LTBP4: variants seen among roughly 807,000 people sequenced by gnomAD.
LTBP4 encodes the protein latent-transforming growth factor beta-binding protein 4.
A neutral mutation model predicts 180.2 loss-of-function variants in LTBP4; 93 were observed. The observed-to-expected ratio is 0.52, with a 90% CI of 0.44 to 0.61. The LOEUF (loss-of-function observed/expected upper bound fraction) is 0.61, where lower values mean the gene tolerates loss of function less well. LTBP4 is among the 20% of genes least tolerant of loss of function. The probability of loss-of-function intolerance (pLI) is 0.00; values close to 1 mark genes in which losing one functional copy is unlikely to be tolerated. For synonymous variants in LTBP4, 947 were observed against 934.5 expected (o/e 1.01, Z -0.24); for missense variants, 2,116 against 2,256.5 (o/e 0.94, Z 1.26).
Position 40,623,656 on chromosome 19 carries a change from T to A in LTBP4, c.3609T>A (p.Cys1203Ter). 3.1e-6 allele frequency: 5 copies of A among 1,613,806 alleles called. No individual in the cohort carries two copies. Among genetic ancestry groups the A allele is most frequent in the Non-Finnish European group, 4.2e-6 (5 of 1,179,862 alleles). The change falls in exon 25 of 30, where the codon TGT becomes TGA. Residue 1203 changes from cysteine to a stop codon, truncating the protein, a stop_gained. Transcript: ENST00000396819. LOFTEE classifies it high-confidence loss of function. Reference protein sequence around the residue: ...FRDQVCKSGVCVNTAPGYSCY... With the variant: ...FRDQVCKSGV Reference sequence around the variant, plus strand: ...ACCAGGTGTGCAAGAGTGGCGTGTGTGTGAACACGGCCCCGGGCTACTCAT... The same window carrying A: ...ACCAGGTGTGCAAGAGTGGCGTGTGAGTGAACACGGCCCCGGGCTACTCAT...
At chr19:40,597,413 C>T, upstream of LTBP4, 1 of 1,481,432 alleles carries the variant, frequency 6.8e-7, no homozygotes, top group Non-Finnish European at 8.9e-7. Context: ...CCCCTTCCAC[C>T]CAATAAGTCT....
chr19:40,593,844 A>G (rs1173363920), intron 1 of LTBP4, among the ~76,000 whole-genome samples: 2 of 151,086 alleles, frequency 1.3e-5, no homozygotes, highest in Non-Finnish European at 3.0e-5. Flanking sequence ...CCCGGGTTGG[A>G]GTGCAGTGGT....
chr19:40,598,855 G>A (rs2081405273), upstream of LTBP4, among the ~76,000 whole-genome samples: 1 of 152,126 alleles, frequency 6.6e-6, no homozygotes, highest in Admixed American at 6.5e-5. Context: ...AGACAGTGCG[G>A]GCTTAGAAAT....
upstream of LTBP4, chr19:40,597,389 C>T (rs1352419665): frequency 3.8e-5 from 57 of 1,506,358 alleles, no homozygotes; most frequent in Middle Eastern, 1.7e-4. Flanking sequence ...AGGTAAGCCC[C>T]CTGCTTCCTT....
chr19:40,605,908 A>T lies in LTBP4; in HGVS notation c.793+77A>T. The T allele has an allele frequency of 7.0e-7, 1 of 1,430,272 alleles. No homozygotes were observed. The highest frequency in any genetic ancestry group is 9.4e-7 in the Non-Finnish European group (1 of 1,065,474). 88.6% of individuals were successfully genotyped at this position (1,430,272 alleles called of 1,614,324 possible). On this transcript the variant is annotated intron_variant, in intron 4 of 29. Coordinates refer to ENST00000396819, the MANE Select transcript of LTBP4 (RefSeq NM_001042545.2). This position sits in a 1 kb window ranked among gnomAD's most constrained non-coding sequence, Gnocchi z 5.5. ...CTCACCGTTCCTCCTACTCTGCCCT[A>T]GATAAACCCAGTTCACAAATTGTAG...
upstream of LTBP4, chr19:40,597,456 A>G (rs1194715237): frequency 2.2e-6 from 3 of 1,382,956 alleles, no homozygotes; most frequent in Non-Finnish European, 2.8e-6. Flanking sequence ...TTTCGGATTC[A>G]GGGGAAACTC....
In LTBP4 at chr19:40,612,286, C is replaced by T. The variant is rs551778130; in HGVS notation, c.2299+94C>T. The T allele has an allele frequency of 5.1e-4, 737 of 1,456,662 alleles. 13 individuals carry two copies. In the Admixed American group the frequency reaches 0.014, roughly 27 times the overall value. 90.2% of individuals were successfully genotyped at this position (1,456,662 alleles called of 1,614,324 possible). ...CTATGACCTGGCCGTAACCTCCTGA[C>T]CTGGACCTCAGTCCCTCAGTCCCCA... On this transcript the variant is annotated intron_variant, in intron 15 of 29. Transcript: ENST00000396819.
At chr19:40,627,684 G>T in intron 28 of LTBP4, 21 bp from the exon 29 acceptor site, 1 of 1,572,942 alleles carries the variant, frequency 6.4e-7, no homozygotes. Flanking sequence ...TCAAGTCATA[G>T]GGTCCCCGCA....
In LTBP4 at chr19:40,624,036, G is replaced by T; in HGVS notation, c.3786G>T (p.Leu1262=). ...YHCTCEPPLV[L]DGSQRRCVSN... ...GTACCTGCGAGCCCCCACTGGTGCT[G>T]GATGGCTCGCAGCGCCGCTGCGTCT... Residue 1262 remains leucine (L), a synonymous_variant, in exon 26 of 30, where the codon CTG becomes CTT. Transcript: ENST00000396819. The T allele has an allele frequency of 6.2e-7, 1 of 1,600,592 alleles. No homozygotes were observed. Among genetic ancestry groups the T allele is most frequent in the Non-Finnish European group, 8.5e-7 (1 of 1,171,146 alleles).
Position 40,614,462 on chromosome 19 carries a change from C to A in LTBP4, c.2812+16C>A. The A allele has an allele frequency of 1.3e-6, 2 of 1,595,310 alleles. No individual in the cohort carries two copies. Among genetic ancestry groups the A allele is most frequent in the East Asian group, 2.2e-5 (1 of 44,722 alleles). ...ACCTGTGACGGTGAGCCTGCCCCCACCCGCCTTCGCTAGCGCTTGCAACGC... is the reference window on the plus strand; with the variant it reads ...ACCTGTGACGGTGAGCCTGCCCCCAACCGCCTTCGCTAGCGCTTGCAACGC... On this transcript the variant is annotated intron_variant, in intron 19 of 29. Transcript: ENST00000396819.
rs2146024993 is a variant in LTBP4 at position 40,608,346 on chromosome 19, C to T, written c.1283C>T (p.Pro428Leu). The change falls in exon 8 of 30, where the codon CCA becomes CTA. Residue 428 changes from proline to leucine, a missense_variant. Physicochemically the swap from Pro to Leu is moderately conservative, Grantham distance 98. This residue lies in a region of LTBP4 where 877 missense variants were observed against 873.6 expected (regional missense o/e 1.00). Transcript: ENST00000396819. Reference protein sequence around the residue: ...RVSLSQPRTLPATSRPSAGFL... With the variant: ...RVSLSQPRTLLATSRPSAGFL... The stretch of plus-strand genomic sequence containing the variant: ...TCACTCAGCCAGCCTCGTACCCTGC[C>T]AGCCACCTCTCGGCCATCTGCAGGT... 3.1e-6 allele frequency: 5 copies of T among 1,613,496 alleles called. No homozygotes were observed. The highest frequency in any genetic ancestry group is 1.1e-5 in the South Asian group (1 of 90,988).
chr19:40,627,491 A>C, intron 28 of LTBP4, 136 bp downstream of exon 28: 1 of 1,305,710 alleles, frequency 7.7e-7, no homozygotes, highest in Non-Finnish European at 1.0e-6. Context: ...GGGACAGAGA[A>C]GTGTCTATAG....
intron 21 of LTBP4, among the ~76,000 whole-genome samples, chr19:40,617,467 A>G (rs2081558552): frequency 6.6e-6 from 1 of 152,118 alleles, no homozygotes; most frequent in Non-Finnish European, 1.5e-5. Context: ...AACATGGTGA[A>G]ACCCCGTCTC....
At chr19:40,598,850 G>A (rs1322086353), upstream of LTBP4, among the ~76,000 whole-genome samples, 3 of 152,232 alleles carry the variant, frequency 2.0e-5, no homozygotes, top group East Asian at 5.8e-4. Context: ...TTCCCAGACA[G>A]TGCGGGCTTA....
At chr19:40,627,681 A>C (rs748857056) in intron 28 of LTBP4, 24 bp from the exon 29 acceptor site, 3 of 1,570,868 alleles carry the variant, frequency 1.9e-6, no homozygotes, top group Non-Finnish European at 2.6e-6. Flanking sequence ...ACCTCAAGTC[A>C]TAGGGTCCCC....
At chr19:40,615,193 C>CGGGGGGG (rs766440164) in intron 19 of LTBP4, 3 of 23,592 alleles carry the variant, frequency 1.3e-4, no homozygotes, top group South Asian at 4.2e-3. Flanking sequence ...TTTGTGTCGG[C>CGGGGGGG]GGGGGGGGGG....
rs115614229 is a variant in LTBP4 at position 40,604,754 on chromosome 19, G to A, written c.251-281G>A. 4.2e-3 allele frequency among the ~76,000 whole-genome samples: 647 copies of A among 152,260 alleles called. 2 individuals carry two copies. Among genetic ancestry groups the A allele is most frequent in the African/African-American group, 0.015 (633 of 41,522 alleles). On this transcript the variant is annotated intron_variant, in intron 1 of 29. Transcript: ENST00000396819. ...GCTACTTAGGAGGCTCAGATGGGAGGATCACTTCAGCTTAGGAGGTCGAGG... is the reference window on the plus strand; with the variant it reads ...GCTACTTAGGAGGCTCAGATGGGAGAATCACTTCAGCTTAGGAGGTCGAGG...
In LTBP4 at chr19:40,622,940, CTGTGTG is replaced by C; in HGVS notation, c.3485-8_3485-3del. 1 of 1,612,844 alleles carries C rather than the reference CTGTGTG, an allele frequency of 6.2e-7. No homozygotes were observed. The highest frequency in any genetic ancestry group is 1.7e-5 in the Admixed American group (1 of 59,902). ...CTGGTGTCCTGGCTCAGGCTTGTCT[CTGTGTG>C]TAGCTGAGTACCAGTCATTGTGCCC... On this transcript the variant is annotated splice_region_variant and splice_polypyrimidine_tract_variant and intron_variant, in intron 23 of 29. Transcript: ENST00000396819. The surrounding 1 kb of genome is among the most constrained non-coding windows in gnomAD (Gnocchi z 5.1).
chr19:40,599,108 T>G, upstream of LTBP4: 2 of 1,158,140 alleles, frequency 1.7e-6, no homozygotes, highest in Admixed American at 4.0e-5. Flanking sequence ...CCCCTCAGGA[T>G]GCGTCTTGGT....
Sources: allele counts gnomAD v4.1 joint callset (sites outside exome capture counted in the v4.1 genomes callset), GRCh38; gene constraint gnomAD v4.1.1; regional missense constraint gnomAD v4.1.1; non-coding constraint Gnocchi (gnomAD v3.1); transcripts MANE v1.5; gene names NCBI Gene and HGNC (gene_info 2026-07-23, HGNC 2026-07-21).